The following EXOC2 variants were observed in gnomAD, a reference collection of about 807,000 sequenced individuals.
EXOC2 encodes the protein SEC5-like 1.
In EXOC2, 70 loss-of-function variants were observed where a neutral mutation model predicts 131.8. The ratio of observed to expected loss-of-function variants is 0.53; its 90% CI spans 0.44 to 0.65. EXOC2 has a LOEUF of 0.65. Ranked by LOEUF, EXOC2 falls within the 30% of genes least tolerant of loss-of-function variation. The pLI, the probability that EXOC2 is intolerant of heterozygous loss-of-function variation, is 0.00. For synonymous variants in EXOC2, 411 were observed against 398.4 expected (o/e 1.03, Z -0.38); for missense variants, 923 against 1,108.6 (o/e 0.83, Z 2.38).
At chr6:620,391 A>G (rs1441125920) in intron 4 of EXOC2, among the ~76,000 whole-genome samples, 2 of 152,128 alleles carry the variant, frequency 1.3e-5, no homozygotes, top group Non-Finnish European at 2.9e-5. Context: ...GGCAGCCTCA[A>G]AGGGACTATA....
chr6:580,628 G>T (rs986959290), intron 11 of EXOC2, among the ~76,000 whole-genome samples: 2 of 152,110 alleles, frequency 1.3e-5, no homozygotes, highest in Admixed American at 1.3e-4. Flanking sequence ...AATTGAGGCA[G>T]GGACTAATTT....
At chr6:560,968 A>G (rs1297684052) in intron 17 of EXOC2, among the ~76,000 whole-genome samples, 1 of 152,162 alleles carries the variant, frequency 6.6e-6, no homozygotes, top group African/African-American at 2.4e-5. Context: ...TGAGCCTCTC[A>G]AAGTGCTGGG....
At chr6:500,891 C>T (rs925867131) in intron 23 of EXOC2, among the ~76,000 whole-genome samples, 1 of 151,458 alleles carries the variant, frequency 6.6e-6, no homozygotes, top group Non-Finnish European at 1.5e-5. Flanking sequence ...TTTGAACGGG[C>T]ATTTGCATAT....
chr6:491,080 C>G (rs372756516), intron 26 of EXOC2, 45 bp downstream of exon 26: 22 of 1,596,016 alleles, frequency 1.4e-5, no homozygotes, highest in Non-Finnish European at 1.9e-5. Flanking sequence ...GTAAGACAAC[C>G]TTTATTTTTA....
chr6:495,702 T>C (rs1007978232), intron 25 of EXOC2, among the ~76,000 whole-genome samples: 2 of 152,032 alleles, frequency 1.3e-5, no homozygotes, highest in African/African-American at 4.8e-5. Flanking sequence ...TCTACTAGAG[T>C]CAGTCTTTAA....
intron 1 of EXOC2, among the ~76,000 whole-genome samples, chr6:684,033 C>G (rs977950322): frequency 2.6e-5 from 4 of 152,264 alleles, no homozygotes; most frequent in South Asian, 2.1e-4. Context: ...AACAGTGTTG[C>G]TCTCTCTCTC....
At chr6:598,194 T>G in intron 9 of EXOC2, 71 bp from the exon 10 acceptor site, 5 of 1,289,108 alleles carry the variant, frequency 3.9e-6, no homozygotes, top group Non-Finnish European at 5.4e-6. Context: ...AAAAGCAGAA[T>G]AGTAGTTGCT....
intron 6 of EXOC2, among the ~76,000 whole-genome samples, chr6:614,434 AG>A (rs1157673171): frequency 1.3e-5 from 2 of 152,192 alleles, no homozygotes; most frequent in Non-Finnish European, 2.9e-5. Flanking sequence ...GACTACTGGA[AG>A]CTCCATGGAT....
At chr6:509,763 G>A (rs1375824563) in intron 23 of EXOC2, among the ~76,000 whole-genome samples, 2 of 152,078 alleles carry the variant, frequency 1.3e-5, no homozygotes, top group Admixed American at 6.6e-5. Context: ...TTGGAAAGAC[G>A]GCTCCTTTAA....
At chr6:564,967 AT>A in intron 13 of EXOC2, 38 bp from the exon 14 acceptor site, 1 of 1,504,412 alleles carries the variant, frequency 6.6e-7, no homozygotes, top group Non-Finnish European at 9.0e-7. Flanking sequence ...CATATTAGAA[AT>A]AATTTAAAAA....
chr6:509,110 G>A (rs1305407454), intron 23 of EXOC2, among the ~76,000 whole-genome samples: 1 of 152,178 alleles, frequency 6.6e-6, no homozygotes, highest in Non-Finnish European at 1.5e-5. Context: ...TTTGACTTAA[G>A]CAAACAACCT....
intron 1 of EXOC2, among the ~76,000 whole-genome samples, chr6:677,934 T>TCACACACACA (rs1554150218): frequency 4.3e-4 from 64 of 147,204 alleles, no homozygotes; most frequent in African/African-American, 1.5e-3. Context: ...TTATAATCTC[T>TCACACACACA]CACACACACA....
At chr6:614,771 A>T (rs1347036680) in intron 6 of EXOC2, among the ~76,000 whole-genome samples, 2 of 152,168 alleles carry the variant, frequency 1.3e-5, no homozygotes, top group African/African-American at 4.8e-5. Flanking sequence ...TCAGGCATTG[A>T]TACTATATCA....
intron 23 of EXOC2, among the ~76,000 whole-genome samples, chr6:502,692 G>T (rs1293298642): frequency 1.3e-5 from 2 of 151,936 alleles, no homozygotes; most frequent in African/African-American, 4.8e-5. Context: ...AAAAAATCAA[G>T]CTTCCTATTT....
intron 1 of EXOC2, among the ~76,000 whole-genome samples, chr6:677,752 C>T (rs1473650168): frequency 6.6e-6 from 1 of 152,206 alleles, no homozygotes; most frequent in South Asian, 2.1e-4. Context: ...CAGGCATGAG[C>T]CACTGCGCCC....
chr6:655,113 A>G (rs530688488), intron 1 of EXOC2, among the ~76,000 whole-genome samples: 2 of 152,326 alleles, frequency 1.3e-5, no homozygotes, highest in Non-Finnish European at 2.9e-5. Context: ...CATGCTAAAG[A>G]GAAATCTTTC....
chr6:680,392 G>C (rs932003395), intron 1 of EXOC2, among the ~76,000 whole-genome samples: 16 of 152,366 alleles, frequency 1.1e-4, no homozygotes, highest in Admixed American at 9.1e-4. Flanking sequence ...TATGAATACA[G>C]AGAAAGGGCT....
chr6:565,791 T>C (rs566303668), intron 13 of EXOC2, among the ~76,000 whole-genome samples: 2 of 152,374 alleles, frequency 1.3e-5, no homozygotes, highest in Admixed American at 6.5e-5. Flanking sequence ...TATCATGATA[T>C]TGACTTTAAG....
rs200882525 is a variant in EXOC2, at chr6:507,243, AC to A, written c.2381-7544del. On this transcript the variant is annotated intron_variant, in intron 23 of 27. Transcript: ENST00000230449. The stretch of plus-strand genomic sequence containing the variant: ...ACACACACACACACACACAGCAGTG[AC>A]CCCCCCACACACACACAGCAGTGAC... Among the ~76,000 whole-genome samples the A allele has an allele frequency of 6.8e-5, 4 of 58,734 alleles. No homozygotes were observed. In the East Asian group the frequency reaches 1.7e-3, roughly 25 times the overall value. The allele number at this position is 58,734 out of a possible 152,430, so 38.5% of individuals were successfully genotyped here.
Sources: gnomAD v4.1 joint callset for allele counts (sites outside exome capture counted in the v4.1 genomes callset) on GRCh38, gnomAD v4.1.1 for gene constraint, MANE v1.5 for transcripts, NCBI Gene and HGNC (gene_info 2026-07-23, HGNC 2026-07-21) for gene names.